The following PHACTR3 variants were observed in gnomAD, a reference collection of about 807,000 sequenced individuals.
PHACTR3 encodes the protein phosphatase and actin regulator 3, also known as protein phosphatase 1, regulatory subunit 123.
A neutral mutation model predicts 66.8 loss-of-function variants in PHACTR3; 16 were observed. The observed-to-expected ratio is 0.24, with a 90% confidence interval of 0.16 to 0.36. PHACTR3 has a LOEUF of 0.36. Among genes scored for constraint, PHACTR3 ranks in the 10% least tolerant of loss-of-function variants. The pLI, the probability that PHACTR3 is intolerant of heterozygous loss-of-function variation, is 1.00. For missense variants in PHACTR3, 647 were observed against 719.9 expected (o/e 0.90, Z 1.16); for synonymous variants, 323 against 292.1 (o/e 1.11, Z -1.08).
At chr20:59,657,878 T>C (rs2035674262) in intron 1 of PHACTR3, among the ~76,000 whole-genome samples, 1 of 152,166 alleles carries the variant, frequency 6.6e-6, no homozygotes, top group Non-Finnish European at 1.5e-5. Context: ...TTAGCCATTA[T>C]TTCTTTGAAA....
In PHACTR3 at chr20:59,743,141, A is replaced by C; in HGVS notation, c.153A>C (p.Glu51Asp). The C allele has an allele frequency of 6.2e-7, 1 of 1,614,030 alleles. No homozygotes were observed. Among genetic ancestry groups the C allele is most frequent in the South Asian group, 1.1e-5 (1 of 91,072 alleles). ...EMDQTPPARP[E>D]YLVSGIRTPP... ...ACCAAACGCCCCCGGCGCGTCCTGA[A>C]TATCTGGTCTCAGGGATTCGAACTC... Residue 51 changes from glutamate (E) to aspartate (D), a missense_variant, in exon 2 of 13, where the codon GAA (glutamate) becomes GAC (aspartate). Physicochemically the swap from Glu to Asp is conservative, Grantham distance 45. Transcript: ENST00000371015.
intron 1 of PHACTR3, among the ~76,000 whole-genome samples, chr20:59,588,753 T>C (rs112472456): frequency 9.9e-5 from 15 of 151,434 alleles, no homozygotes; most frequent in African/African-American, 3.2e-4. Flanking sequence ...GCACAGGCCC[T>C]GTGCTCAGTG....
intron 7 of PHACTR3, among the ~76,000 whole-genome samples, chr20:59,785,026 G>C (rs1190869225): frequency 1.4e-5 from 2 of 147,260 alleles, no homozygotes; most frequent in South Asian, 2.4e-4. Flanking sequence ...TGGGAGGGTG[G>C]GCTCCAGAGA....
At chr20:59,635,639 A>G (rs955083115) in intron 1 of PHACTR3, among the ~76,000 whole-genome samples, 1 of 152,236 alleles carries the variant, frequency 6.6e-6, no homozygotes, top group African/African-American at 2.4e-5. Flanking sequence ...CACAAGCATG[A>G]AGAAGGAAGT....
intron 7 of PHACTR3, among the ~76,000 whole-genome samples, chr20:59,799,603 T>C (rs904150102): frequency 1.3e-5 from 2 of 152,188 alleles, no homozygotes; most frequent in African/African-American, 4.8e-5. Context: ...ATTTCAGCTC[T>C]GTTTGATTAG....
At chr20:59,694,013 G>C (rs958558859) in intron 1 of PHACTR3, among the ~76,000 whole-genome samples, 2 of 152,232 alleles carry the variant, frequency 1.3e-5, no homozygotes, top group Non-Finnish European at 2.9e-5. Context: ...CTGCAGAGGG[G>C]CCTAGTCTGG....
intron 8 of PHACTR3, among the ~76,000 whole-genome samples, chr20:59,824,151 G>A (rs1568858634): frequency 1.3e-5 from 2 of 152,170 alleles, no homozygotes; most frequent in African/African-American, 2.4e-5. Flanking sequence ...AGCTGATCAC[G>A]GCCCTTGGTC....
intron 2 of PHACTR3, among the ~76,000 whole-genome samples, chr20:59,746,071 C>T (rs563596343): frequency 6.6e-6 from 1 of 152,336 alleles, no homozygotes; most frequent in South Asian, 2.1e-4. Flanking sequence ...GGTCAGCATT[C>T]ACTTTGTCAA....
At chr20:59,667,606 C>A (rs1052321824) in intron 1 of PHACTR3, among the ~76,000 whole-genome samples, 1 of 152,204 alleles carries the variant, frequency 6.6e-6, no homozygotes, top group African/African-American at 2.4e-5. Context: ...CTGACTTTCC[C>A]CTGTCTCCAG....
At chr20:59,761,965 T>C (rs2040006387) in intron 4 of PHACTR3, among the ~76,000 whole-genome samples, 1 of 152,196 alleles carries the variant, frequency 6.6e-6, no homozygotes, top group South Asian at 2.1e-4. Flanking sequence ...ATTCAGCACT[T>C]GAGATGTTAA....
intron 1 of PHACTR3, among the ~76,000 whole-genome samples, chr20:59,581,645 G>A (rs2032861093): frequency 6.6e-6 from 1 of 152,216 alleles, no homozygotes; most frequent in African/African-American, 2.4e-5. Flanking sequence ...ACTATGGGAG[G>A]CTGAGGCCAG....
At chr20:59,632,621 C>A (rs895023221) in intron 1 of PHACTR3, among the ~76,000 whole-genome samples, 2 of 152,202 alleles carry the variant, frequency 1.3e-5, no homozygotes, top group Non-Finnish European at 2.9e-5. Flanking sequence ...GTGTGTGAAG[C>A]TGGCGCACCC....
intron 1 of PHACTR3, among the ~76,000 whole-genome samples, chr20:59,685,276 A>G (rs534493575): frequency 1.3e-5 from 2 of 152,298 alleles, no homozygotes; most frequent in South Asian, 4.1e-4. Context: ...CCTCTGGACC[A>G]CAGCCTCTGA....
At chr20:59,802,109 A>T (rs1210262052) in intron 7 of PHACTR3, among the ~76,000 whole-genome samples, 1 of 152,054 alleles carries the variant, frequency 6.6e-6, no homozygotes, top group South Asian at 2.1e-4. Flanking sequence ...GGTCCTACTT[A>T]GTTTTGGACG....
intron 8 of PHACTR3, 51 bp downstream of exon 8, chr20:59,806,245 C>T (rs374638596): frequency 5.9e-5 from 94 of 1,585,752 alleles, no homozygotes; most frequent in Middle Eastern, 5.3e-4. Context: ...GCCTTGCAGG[C>T]GGAGCCCCTC....
intron 1 of PHACTR3, among the ~76,000 whole-genome samples, chr20:59,592,260 G>A (rs535821319): frequency 2.2e-4 from 34 of 152,150 alleles, no homozygotes; most frequent in East Asian, 1.9e-4. Context: ...ATTCCACTCC[G>A]GCCTTTGCAC....
chr20:59,707,002 C>G (rs1056963074), intron 1 of PHACTR3, among the ~76,000 whole-genome samples: 1 of 152,180 alleles, frequency 6.6e-6, no homozygotes, highest in Non-Finnish European at 1.5e-5. Context: ...AATTTATTTG[C>G]ATAAAGAATC....
chr20:59,682,493 G>A (rs182852901), intron 1 of PHACTR3, among the ~76,000 whole-genome samples: 1 of 152,300 alleles, frequency 6.6e-6, no homozygotes, highest in African/African-American at 2.4e-5. Context: ...TAGTGGGAGA[G>A]GACAATGAAC....
chr20:59,703,812 C>T (rs1213145762), intron 1 of PHACTR3, among the ~76,000 whole-genome samples: 1 of 152,024 alleles, frequency 6.6e-6, no homozygotes, highest in East Asian at 1.9e-4. Flanking sequence ...CACTCAGTGC[C>T]AATTTACTGA....
Sources: allele counts gnomAD v4.1 joint callset (sites outside exome capture counted in the v4.1 genomes callset), GRCh38; gene constraint gnomAD v4.1.1; transcripts MANE v1.5; gene names NCBI Gene and HGNC (gene_info 2026-07-23, HGNC 2026-07-21).